Variants in CDON observed in about 807,000 individuals in gnomAD.
The protein encoded by CDON is cell adhesion molecule-related/down-regulated by oncogenes.
A neutral mutation model predicts 120.9 loss-of-function variants in CDON; 73 were observed. The ratio of observed to expected loss-of-function variants is 0.60; its 90% CI spans 0.50 to 0.73. CDON has a LOEUF of 0.73. CDON is among the 30% of genes least tolerant of loss of function. CDON has a pLI of 0.00. For synonymous variants in CDON, 566 were observed against 573.5 expected, an observed-to-expected ratio of 0.99 and a Z score of 0.19; for missense variants, 1,470 against 1,587.3, an observed-to-expected ratio of 0.93 and a Z score of 1.26.
intron 1 of CDON, among the ~76,000 whole-genome samples, chr11:126,055,498 T>C (rs937012665): frequency 1.3e-5 from 2 of 152,246 alleles, no homozygotes; most frequent in Non-Finnish European, 2.9e-5. Context: ...TATTTACAGA[T>C]ACAAGATGTG....
At chr11:126,028,583 G>A (rs1038509034) in intron 1 of CDON, among the ~76,000 whole-genome samples, 2 of 151,658 alleles carry the variant, frequency 1.3e-5, no homozygotes, top group Non-Finnish European at 2.9e-5. Flanking sequence ...GGTTGGTCTC[G>A]AACTCCTGGC....
chr11:126,042,571 G>C (rs1236400441), intron 1 of CDON, among the ~76,000 whole-genome samples: 1 of 152,098 alleles, frequency 6.6e-6, no homozygotes, highest in African/African-American at 2.4e-5. Flanking sequence ...CCAATTATTA[G>C]GTTTATAACT....
intron 1 of CDON, among the ~76,000 whole-genome samples, chr11:126,035,893 C>G (rs750316576): frequency 6.6e-6 from 1 of 152,142 alleles, no homozygotes; most frequent in Non-Finnish European, 1.5e-5. Flanking sequence ...CCTTTGGCAT[C>G]AGGTCCGGCC....
chr11:125,984,653 C>G (rs571873904), intron 15 of CDON, among the ~76,000 whole-genome samples: 1 of 148,316 alleles, frequency 6.7e-6, no homozygotes, highest in Non-Finnish European at 1.5e-5. Flanking sequence ...GCCCAGATCA[C>G]GCCACTGCAC....
intron 19 of CDON, 84 bp from the exon 20 acceptor site, chr11:125,961,189 G>T: frequency 8.0e-7 from 1 of 1,247,182 alleles, no homozygotes; most frequent in Non-Finnish European, 1.2e-6. Context: ...TTCACACTTT[G>T]AGCCAAGAAG....
chr11:125,968,518 C>A (rs528237434), intron 18 of CDON, among the ~76,000 whole-genome samples: 1 of 152,108 alleles, frequency 6.6e-6, no homozygotes, highest in Non-Finnish European at 1.5e-5. Context: ...AGCTAACAGG[C>A]GTATGAAATA....
intron 1 of CDON, among the ~76,000 whole-genome samples, chr11:126,051,659 T>C (rs1040596101): frequency 1.3e-5 from 2 of 151,266 alleles, no homozygotes; most frequent in African/African-American, 4.9e-5. Context: ...TTTCTTTTTT[T>C]TTTTTTTTCC....
At chr11:126,030,974 G>A (rs1312522285) in intron 1 of CDON, among the ~76,000 whole-genome samples, 1 of 151,992 alleles carries the variant, frequency 6.6e-6, no homozygotes, top group Non-Finnish European at 1.5e-5. Flanking sequence ...ATCTACTTTG[G>A]GCAAGAACCT....
chr11:125,971,382 C>CCAAATAAATAAA (rs1555114686), intron 18 of CDON, among the ~76,000 whole-genome samples: 1 of 103,182 alleles, frequency 9.7e-6, no homozygotes, highest in Non-Finnish European at 2.3e-5. Context: ...GACTCTGTCT[C>CCAAATAAATAAA]TAAATAAATA....
chr11:126,035,303 C>T (rs1035197098), intron 1 of CDON, among the ~76,000 whole-genome samples: 7 of 152,182 alleles, frequency 4.6e-5, no homozygotes, highest in East Asian at 1.9e-4. Flanking sequence ...CTTGAATCAA[C>T]GCTGGCTGAA....
At chr11:126,031,836 G>A (rs1357519404) in intron 1 of CDON, among the ~76,000 whole-genome samples, 2 of 152,160 alleles carry the variant, frequency 1.3e-5, no homozygotes, top group Middle Eastern at 3.2e-3. Flanking sequence ...CACCACCCGT[G>A]AAGGAATTGC....
chr11:126,019,350 G>A (rs1304754746), intron 4 of CDON, among the ~76,000 whole-genome samples: 3 of 152,184 alleles, frequency 2.0e-5, no homozygotes, highest in African/African-American at 7.2e-5. Flanking sequence ...AAAGGGGCCA[G>A]AGAGCACCAG....
chr11:126,047,103 C>A (rs547967233), intron 1 of CDON, among the ~76,000 whole-genome samples: 23 of 152,258 alleles, frequency 1.5e-4, no homozygotes, highest in African/African-American at 5.5e-4. Context: ...CAATAGCTAT[C>A]CCCTTGCTTT....
chr11:126,053,602 C>T (rs577790794), intron 1 of CDON, among the ~76,000 whole-genome samples: 6 of 152,316 alleles, frequency 3.9e-5, no homozygotes, highest in African/African-American at 1.4e-4. Flanking sequence ...TACATAATCA[C>T]ATTCAGACAT....
At chr11:126,022,373 T>G (rs574702548) in intron 2 of CDON, among the ~76,000 whole-genome samples, 1 of 152,330 alleles carries the variant, frequency 6.6e-6, no homozygotes, top group African/African-American at 2.4e-5. Flanking sequence ...GAAGCCACAA[T>G]TGAAATACAA....
chr11:126,032,825 T>C (rs966803957), intron 1 of CDON, among the ~76,000 whole-genome samples: 1 of 152,092 alleles, frequency 6.6e-6, no homozygotes, highest in African/African-American at 2.4e-5. Context: ...CTGGGCAACA[T>C]AGGGAGATCC....
intron 5 of CDON, among the ~76,000 whole-genome samples, chr11:126,017,701 T>C (rs920699506): frequency 6.7e-5 from 10 of 150,020 alleles, no homozygotes; most frequent in Admixed American, 1.3e-4. Context: ...AGGACAGACA[T>C]ATCTCTTTTT....
intron 16 of CDON, among the ~76,000 whole-genome samples, chr11:125,982,979 C>T (rs1946356410): frequency 6.6e-6 from 1 of 152,184 alleles, no homozygotes; most frequent in Admixed American, 6.5e-5. Flanking sequence ...ACCATCTCTC[C>T]CCCTATCTCT....
intron 1 of CDON, among the ~76,000 whole-genome samples, chr11:126,039,680 C>T (rs1339774073): frequency 1.3e-5 from 2 of 152,150 alleles, no homozygotes; most frequent in East Asian, 3.9e-4. Context: ...TTCCTCAGCT[C>T]TTCATCCTCA....
Sources: gnomAD v4.1 joint callset for allele counts (sites outside exome capture counted in the v4.1 genomes callset) on GRCh38, gnomAD v4.1.1 for gene constraint, MANE v1.5 for transcripts, NCBI Gene and HGNC (gene_info 2026-07-23, HGNC 2026-07-21) for gene names.